CNTN5: variants seen among roughly 807,000 people sequenced by gnomAD.
CNTN5 encodes contactin-5.
Under a neutral mutation model 129.1 loss-of-function variants are expected in CNTN5, and 77 were observed. The ratio of observed to expected loss-of-function variants is 0.60; its 90% CI spans 0.50 to 0.72. CNTN5 has a LOEUF of 0.72. CNTN5 is among the 30% of genes least tolerant of loss of function. The probability of loss-of-function intolerance (pLI) is 0.00; values close to 1 mark genes in which losing one functional copy is unlikely to be tolerated. For missense variants in CNTN5, 1,478 were observed against 1,328.8 expected, an observed-to-expected ratio of 1.11 and a Z score of -1.75; for synonymous variants, 509 against 465.6, an observed-to-expected ratio of 1.09 and a Z score of -1.20.
intron 1 of CNTN5, among the ~76,000 whole-genome samples, chr11:99,217,941 T>C (rs985149649): frequency 5.9e-5 from 9 of 152,184 alleles, no homozygotes; most frequent in African/African-American, 2.2e-4. Context: ...CATGCTAAGA[T>C]AAACGTTAGC....
chr11:100,134,386 C>T (rs1386629808), intron 13 of CNTN5, among the ~76,000 whole-genome samples: 1 of 152,096 alleles, frequency 6.6e-6, no homozygotes, highest in Non-Finnish European at 1.5e-5. Flanking sequence ...TTTCCTTGGG[C>T]AAATTCACTT....
chr11:99,207,899 G>T (rs1224982286), intron 1 of CNTN5, among the ~76,000 whole-genome samples: 1 of 152,118 alleles, frequency 6.6e-6, no homozygotes, highest in Non-Finnish European at 1.5e-5. Context: ...CTGGATTAAT[G>T]AATTTAGCTC....
chr11:99,359,101 G>A (rs1342582635), intron 2 of CNTN5, among the ~76,000 whole-genome samples: 1 of 151,978 alleles, frequency 6.6e-6, no homozygotes, highest in Non-Finnish European at 1.5e-5. Context: ...AAGTTATATT[G>A]TATTCTCTAC....
At chr11:100,148,762 T>TGTAACATATA (rs1946944029) in intron 13 of CNTN5, among the ~76,000 whole-genome samples, 1 of 152,158 alleles carries the variant, frequency 6.6e-6, no homozygotes, top group Admixed American at 6.6e-5. Context: ...TGGGCACTCT[T>TGTAACATATA]GTAACATATA....
At chr11:99,796,831 T>A (rs1057043781) in intron 3 of CNTN5, among the ~76,000 whole-genome samples, 55 of 151,934 alleles carry the variant, frequency 3.6e-4, no homozygotes, top group Non-Finnish European at 7.8e-4. Context: ...ACTGGCTGGG[T>A]TTTTTTCCCC....
chr11:99,997,570 A>G (rs1939540113), intron 8 of CNTN5, among the ~76,000 whole-genome samples: 1 of 152,216 alleles, frequency 6.6e-6, no homozygotes, highest in African/African-American at 2.4e-5. Context: ...GAATTCTACC[A>G]GAGGTACAAG....
intron 9 of CNTN5, among the ~76,000 whole-genome samples, chr11:100,051,434 A>T (rs1942949414): frequency 6.6e-6 from 1 of 152,066 alleles, no homozygotes; most frequent in Non-Finnish European, 1.5e-5. Flanking sequence ...AGTAGAAAAT[A>T]TTTTTAACTG....
intron 1 of CNTN5, among the ~76,000 whole-genome samples, chr11:99,085,068 GGAGT>G (rs1310985777): frequency 6.7e-6 from 1 of 148,890 alleles, no homozygotes; most frequent in Non-Finnish European, 1.5e-5. Flanking sequence ...TTTTTGAAAT[GGAGT>G]CTTTCTCTGC....
In CNTN5 at chr11:99,427,537, C is replaced by T. The variant is rs183742707; in HGVS notation, c.-71+102053C>T. Among the ~76,000 whole-genome samples, 114 of 151,958 alleles carry T rather than the reference C, an allele frequency of 7.5e-4. No individual in the cohort carries two copies. The East Asian group carries it at 0.019, about 26-fold the overall frequency. On this transcript the variant is annotated intron_variant, in intron 2 of 24. Coordinates refer to ENST00000524871, the MANE Select transcript of CNTN5 (RefSeq NM_014361.4). ...ATCCCAGCACTTTGGGAGGCCGAGGCGGGCGGATCATGAGGTCAGGAGATT... is the reference window on the plus strand; with the variant it reads ...ATCCCAGCACTTTGGGAGGCCGAGGTGGGCGGATCATGAGGTCAGGAGATT...
chr11:100,335,086 C>G (rs529089585), intron 21 of CNTN5, among the ~76,000 whole-genome samples: 1 of 151,528 alleles, frequency 6.6e-6, no homozygotes. Context: ...TGGGAGGCTG[C>G]GCATGTGTAG....
chr11:99,064,923 T>A (rs1458655536), intron 1 of CNTN5, among the ~76,000 whole-genome samples: 1 of 151,964 alleles, frequency 6.6e-6, no homozygotes, highest in African/African-American at 2.4e-5. Context: ...TGTATAAATG[T>A]TAATTTAGTA....
chr11:100,169,670 G>A (rs186027756), intron 13 of CNTN5, among the ~76,000 whole-genome samples: 1 of 152,092 alleles, frequency 6.6e-6, no homozygotes, highest in East Asian at 1.9e-4. Context: ...TGGAAAACAA[G>A]ACATTTTTGT....
At chr11:99,339,828 T>C (rs1045268600) in intron 2 of CNTN5, among the ~76,000 whole-genome samples, 12 of 151,486 alleles carry the variant, frequency 7.9e-5, no homozygotes, top group Non-Finnish European at 1.6e-4. Context: ...ATGTATTTGA[T>C]TGGACTAGAG....
intron 3 of CNTN5, among the ~76,000 whole-genome samples, chr11:99,696,029 T>C (rs1022476000): frequency 1.3e-5 from 2 of 152,112 alleles, no homozygotes; most frequent in African/African-American, 4.8e-5. Flanking sequence ...ACATTTCATA[T>C]ATTTAATTAG....
intron 3 of CNTN5, among the ~76,000 whole-genome samples, chr11:99,619,800 G>A (rs545530620): frequency 6.6e-6 from 1 of 152,148 alleles, no homozygotes; most frequent in South Asian, 2.1e-4. Context: ...GCCGAGGCGG[G>A]CGGATCACAA....
At chr11:99,560,270 A>ATTT (rs2135548436) in intron 3 of CNTN5, among the ~76,000 whole-genome samples, 1 of 44,860 alleles carries the variant, frequency 2.2e-5, no homozygotes, top group East Asian at 2.7e-4. Flanking sequence ...ATCTAACTGT[A>ATTT]TTATTATTAT....
intron 15 of CNTN5, among the ~76,000 whole-genome samples, chr11:100,212,460 A>G (rs1949053171): frequency 6.6e-6 from 1 of 152,184 alleles, no homozygotes; most frequent in African/African-American, 2.4e-5. Context: ...GTCAAAGAAC[A>G]AAACTATTTT....
intron 8 of CNTN5, among the ~76,000 whole-genome samples, chr11:99,964,025 C>G (rs1368791937): frequency 6.6e-6 from 1 of 152,122 alleles, no homozygotes; most frequent in African/African-American, 2.4e-5. Flanking sequence ...CGAGACTTTG[C>G]TGAAGTTGCT....
chr11:99,374,225 C>T (rs1304900938), intron 2 of CNTN5, among the ~76,000 whole-genome samples: 5 of 152,170 alleles, frequency 3.3e-5, no homozygotes, highest in Non-Finnish European at 7.4e-5. Context: ...ATTTTCAGCA[C>T]ATCTATTTCT....
Sources: allele counts gnomAD v4.1 joint callset (sites outside exome capture counted in the v4.1 genomes callset), GRCh38; gene constraint gnomAD v4.1.1; transcripts MANE v1.5; gene names NCBI Gene and HGNC (gene_info 2026-07-23, HGNC 2026-07-21).